PWWP3B: variants seen among roughly 807,000 people sequenced by gnomAD.
PWWP3B encodes PWWP domain-containing DNA repair factor 3B.
PWWP3B carries 5 observed loss-of-function variants against 15.7 expected under a neutral mutation model. The observed-to-expected ratio is 0.32, with a 90% confidence interval of 0.17 to 0.67. The LOEUF is 0.67. Among genes scored for constraint, PWWP3B ranks in the 30% least tolerant of loss-of-function variants. The pLI is 0.74. For synonymous variants in PWWP3B, 203 were observed against 179.8 expected, an observed-to-expected ratio of 1.13 and a Z score of -1.03; for missense variants, 519 against 493.1, an observed-to-expected ratio of 1.05 and a Z score of -0.50.
chrX:106,187,582 A>G (rs1255532111), intron 2 of PWWP3B, among the ~76,000 whole-genome samples: 1 of 111,585 alleles, frequency 9.0e-6, no homozygotes, highest in African/African-American at 3.3e-5. Flanking sequence ...ACCTTTTTCT[A>G]TACTTGGGTT....
intron 2 of PWWP3B, among the ~76,000 whole-genome samples, chrX:106,172,046 A>G (rs902689694): frequency 9.0e-6 from 1 of 111,427 alleles, no homozygotes; most frequent in African/African-American, 3.3e-5. Flanking sequence ...TGTATATCCA[A>G]ACATATCTAA....
intron 2 of PWWP3B, among the ~76,000 whole-genome samples, chrX:106,173,256 A>T (rs1301163024): frequency 9.0e-6 from 1 of 111,486 alleles, no homozygotes; most frequent in Non-Finnish European, 1.9e-5. Context: ...GGGTTGCAAA[A>T]GGCCAAATTA....
At chrX:106,189,612 C>CTTTTTTT (rs1277003635) in intron 2 of PWWP3B, among the ~76,000 whole-genome samples, 30 of 77,816 alleles carry the variant, frequency 3.9e-4, no homozygotes, top group Non-Finnish European at 4.1e-4. Flanking sequence ...GCCACATTTT[C>CTTTTTTT]TTTTTTTTTT....
intron 2 of PWWP3B, among the ~76,000 whole-genome samples, chrX:106,194,982 G>T (rs1034825871): frequency 1.8e-5 from 2 of 111,634 alleles, no homozygotes; most frequent in African/African-American, 3.3e-5. Flanking sequence ...AGGCTACTCG[G>T]GGGTCAGGGA....
intron 2 of PWWP3B, among the ~76,000 whole-genome samples, chrX:106,189,194 T>A (rs1922713828): frequency 8.9e-6 from 1 of 112,249 alleles, no homozygotes; most frequent in African/African-American, 3.2e-5. Context: ...TTTTTAATAT[T>A]AGCTATTCCT....
At chrX:106,198,550 G>A (rs1414310215) in intron 2 of PWWP3B, among the ~76,000 whole-genome samples, 2 of 111,394 alleles carry the variant, frequency 1.8e-5, no homozygotes, top group Non-Finnish European at 3.8e-5. Context: ...TGAGAACATT[G>A]CCTGGCACAT....
chrX:106,184,502 G>C (rs781136872), intron 2 of PWWP3B, among the ~76,000 whole-genome samples: 28 of 111,538 alleles, frequency 2.5e-4, no homozygotes, highest in South Asian at 3.8e-4. Context: ...CGAGGTCCCA[G>C]TAGGGATCCA....
chrX:106,175,124 TAGAA>T (rs762150567), intron 2 of PWWP3B, among the ~76,000 whole-genome samples: 9 of 109,382 alleles, frequency 8.2e-5, no homozygotes, highest in African/African-American at 2.0e-4. Context: ...ATGTAAGAGA[TAGAA>T]AGAAGTCAAG....
Position 106,204,864 on chromosome X carries a change from A to G in PWWP3B, c.-214-355A>G, listed in dbSNP as rs143516807. ...TGACACATGTTAAGTTTGGAGACCC[A>G]CTGCTATAAGTATGACATTAGGGAC... On this transcript the variant is annotated intron_variant, in intron 3 of 3. Coordinates refer to ENST00000357175, the MANE Select transcript of PWWP3B (RefSeq NM_001171020.2). 8.2e-3 allele frequency among the ~76,000 whole-genome samples: 917 copies of G among 111,668 alleles called. 3 individuals are homozygous for G. Among genetic ancestry groups the G allele is most frequent in the Non-Finnish European group, 0.014 (722 of 53,100 alleles).
chrX:106,206,072 A>G lies in PWWP3B; in HGVS notation c.640A>G (p.Ile214Val). Residue 214 changes from isoleucine (I) to valine (V), a missense_variant, in exon 4 of 4, where the codon ATC becomes GTC. Ile to Val is a conservative substitution (Grantham distance 29, BLOSUM62 3). Coordinates refer to ENST00000357175, the MANE Select transcript of PWWP3B (RefSeq NM_001171020.2). ...AAAAGAGAACAAGAATAAGATTGATATCTCAGCAGTTATGTCTGTGCATTC... is the reference window on the plus strand; with the variant it reads ...AAAAGAGAACAAGAATAAGATTGATGTCTCAGCAGTTATGTCTGTGCATTC... Reference protein sequence around the residue: ...DEKENKNKIDISAVMSVHSAV... With the variant: ...DEKENKNKIDVSAVMSVHSAV... The G allele has an allele frequency of 8.3e-7, 1 of 1,211,111 alleles. No homozygotes were observed. The highest frequency in any genetic ancestry group is 3.0e-5 in the East Asian group (1 of 33,856).
intron 2 of PWWP3B, among the ~76,000 whole-genome samples, chrX:106,189,112 A>G (rs185921274): frequency 1.5e-4 from 17 of 112,381 alleles, no homozygotes; most frequent in African/African-American, 5.2e-4. Context: ...TTGCATTTCC[A>G]CCAGCAATGT....
rs1056805647 is a variant in PWWP3B, at chrX:106,205,646, C to G, written c.214C>G (p.Leu72Val). The change falls in exon 4 of 4, where the codon CTA (leucine) becomes GTA (valine). Residue 72 changes from leucine (L) to valine (V), a missense_variant. By Grantham distance (32) the Leu-to-Val change is conservative. Transcript: ENST00000357175. ...TGAAGCCATTGCTGCCTCATTAGGA[C>G]TACAGTCAGAGGACAGTGCTCCACC... ...QIEAIAASLG[L>V]QSEDSAPPTE... The G allele has an allele frequency of 8.3e-7, 1 of 1,210,573 alleles. No homozygotes were observed. Among genetic ancestry groups the G allele is most frequent in the South Asian group, 1.8e-5 (1 of 56,674 alleles).
At chrX:106,198,131 T>C (rs1285138628) in intron 2 of PWWP3B, among the ~76,000 whole-genome samples, 1 of 111,720 alleles carries the variant, frequency 9.0e-6, no homozygotes, top group Non-Finnish European at 1.9e-5. Context: ...TAATACACTA[T>C]ACTTGACCAT....
chrX:106,187,214 T>C (rs1371278426), intron 2 of PWWP3B, among the ~76,000 whole-genome samples: 2 of 112,303 alleles, frequency 1.8e-5, no homozygotes, highest in Non-Finnish European at 3.8e-5. Flanking sequence ...GGAAGAACTC[T>C]GAAGTTTACT....
rs971053154 is a variant in PWWP3B, at chrX:106,207,891, G to C, written c.*368G>C. 33 of 134,424 alleles carry C rather than the reference G, an allele frequency of 2.5e-4. No homozygotes were observed. Among genetic ancestry groups the C allele is most frequent in the Non-Finnish European group, 5.1e-4 (31 of 61,033 alleles). The allele number at this position is 134,424 out of a possible 1,213,427, so 11.1% of individuals were successfully genotyped here. A position where few individuals can be genotyped will look rare whatever the true frequency, so the allele number is the denominator to read the frequency against. ...TAATGTTAAAATTGCACTGGTGTTA[G>C]ATATTAACGAAGATGATTGGAAAAA... On this transcript the variant is annotated 3_prime_UTR_variant, in exon 4 of 4. Coordinates refer to ENST00000357175, the MANE Select transcript of PWWP3B (RefSeq NM_001171020.2).
intron 2 of PWWP3B, among the ~76,000 whole-genome samples, chrX:106,189,000 C>A (rs1326018665): frequency 2.7e-5 from 3 of 111,552 alleles, no homozygotes; most frequent in Non-Finnish European, 5.6e-5. Context: ...TTTCATTTCT[C>A]TTGAGTAAAT....
At chrX:106,182,510 T>G (rs1317067377) in intron 2 of PWWP3B, among the ~76,000 whole-genome samples, 1 of 111,584 alleles carries the variant, frequency 9.0e-6, no homozygotes, top group East Asian at 2.8e-4. Context: ...CAGAACTGGT[T>G]GTGTATGTTA....
At chrX:106,178,099 A>G (rs375295982) in intron 2 of PWWP3B, among the ~76,000 whole-genome samples, 5 of 111,567 alleles carry the variant, frequency 4.5e-5, no homozygotes, top group African/African-American at 1.6e-4. Flanking sequence ...GAATAGTGGA[A>G]TTTTTCCTGG....
In PWWP3B at chrX:106,173,637, G is replaced by C. The variant is rs537880630; in HGVS notation, c.-401+2498G>C. ...GGATAAAAGAGGCTACAACAGACGA[G>C]AACCATTTACTATCCCCAGATAAAT... On this transcript the variant is annotated intron_variant, in intron 2 of 3. Transcript: ENST00000357175. 5.5e-4 allele frequency among the ~76,000 whole-genome samples: 61 copies of C among 111,855 alleles called. 1 individual carries two copies. In the South Asian group the frequency reaches 0.023, roughly 42 times the overall value.
Sources: gnomAD v4.1 joint callset for allele counts (sites outside exome capture counted in the v4.1 genomes callset) on GRCh38, gnomAD v4.1.1 for gene constraint, MANE v1.5 for transcripts, NCBI Gene and HGNC (gene_info 2026-07-23, HGNC 2026-07-21) for gene names.